Variants in LIPC observed in about 807,000 individuals in gnomAD.
LIPC encodes the protein hepatic triacylglycerol lipase.
A neutral mutation model predicts 50.7 loss-of-function variants in LIPC; 44 were observed. The observed-to-expected ratio is 0.87, with a 90% CI of 0.68 to 1.11. LIPC has a LOEUF of 1.11. Ranked by LOEUF, LIPC falls within the 50% of genes most tolerant of loss-of-function variation. The probability of loss-of-function intolerance (pLI) is 0.00; values close to 1 mark genes in which losing one functional copy is unlikely to be tolerated. For synonymous variants in LIPC, 271 were observed against 256.4 expected (o/e 1.06, Z -0.54); for missense variants, 697 against 648.2 (o/e 1.08, Z -0.82).
chr15:58,545,860 C>T lies in LIPC; in HGVS notation c.693C>T (p.Ser231=), dbSNP rs939351730. The T allele has an allele frequency of 1.2e-6, 2 of 1,614,094 alleles. No homozygotes were observed. Among genetic ancestry groups the T allele is most frequent in the East Asian group, 2.2e-5 (1 of 44,880 alleles). ...TTACCCGGGAGCACATGGGCCTGAG[C>T]GTGGGCATCAAACAGCCCATAGGAC... ...HTFTREHMGL[S]VGIKQPIGHY... Residue 231 remains serine (S), a synonymous_variant, in exon 5 of 9, where the codon AGC becomes AGT. Transcript: ENST00000299022.
At chr15:58,480,960 A>G (rs1312803290) in intron 1 of LIPC, among the ~76,000 whole-genome samples, 1 of 152,176 alleles carries the variant, frequency 6.6e-6, no homozygotes, top group Non-Finnish European at 1.5e-5. Flanking sequence ...TGATTTAAAC[A>G]GCCCCTAGTC....
In LIPC at chr15:58,566,755, T is replaced by G. The variant is rs367587036; in HGVS notation, c.1389-1961T>G. 2.6e-5 allele frequency among the ~76,000 whole-genome samples: 4 copies of G among 152,202 alleles called. No homozygotes were observed. The South Asian group carries it at 8.3e-4, about 32-fold the overall frequency. On this transcript the variant is annotated intron_variant, in intron 8 of 8. Coordinates refer to ENST00000299022, the MANE Select transcript of LIPC (RefSeq NM_000236.3). Reference sequence around the variant, plus strand: ...AAGTATAATAACTGGCTAAACCTAATGAGAAGACATTCAATTTCCACAGTA... The same window carrying G: ...AAGTATAATAACTGGCTAAACCTAAGGAGAAGACATTCAATTTCCACAGTA...
intron 2 of LIPC, among the ~76,000 whole-genome samples, chr15:58,539,273 G>A (rs1395578385): frequency 1.3e-5 from 2 of 152,186 alleles, no homozygotes; most frequent in Admixed American, 1.3e-4. Context: ...ACAATTCAAT[G>A]GCTTTTGGTA....
chr15:58,543,832 G>A (rs927274861), intron 4 of LIPC, among the ~76,000 whole-genome samples: 6 of 152,048 alleles, frequency 3.9e-5, no homozygotes, highest in Non-Finnish European at 8.8e-5. Flanking sequence ...ATATTGGTCA[G>A]GCTGGTCTCG....
At chr15:58,449,111 T>C (rs1595857061) in intron 1 of LIPC, among the ~76,000 whole-genome samples, 1 of 152,098 alleles carries the variant, frequency 6.6e-6, no homozygotes, top group East Asian at 1.9e-4. Context: ...GAGCGATTAG[T>C]CATGCTGGGG....
intron 1 of LIPC, among the ~76,000 whole-genome samples, chr15:58,500,177 G>GGTATGTCTT (rs1302898937): frequency 6.6e-6 from 1 of 152,140 alleles, no homozygotes; most frequent in Non-Finnish European, 1.5e-5. Flanking sequence ...CATGGGTTTG[G>GGTATGTCTT]GTATGTCTTC....
intron 5 of LIPC, 39 bp downstream of exon 5, chr15:58,546,014 T>C: frequency 2.0e-6 from 3 of 1,480,692 alleles, no homozygotes; most frequent in Non-Finnish European, 2.8e-6. Flanking sequence ...CCGGCCTACA[T>C]TTCAATGGGG....
rs1311867696 is a variant in LIPC at position 58,550,790 on chromosome 15, G to A, written c.1051+2218G>A. On this transcript the variant is annotated intron_variant, in intron 6 of 8. Transcript: ENST00000299022. ...TGGAGGGAGGTTCCAGTGCCGAGCT[G>A]TGGCTTGTACCACACCCTCTCCTTT... Among the ~76,000 whole-genome samples, 9 of 148,582 alleles carry A rather than the reference G, an allele frequency of 6.1e-5. No homozygotes were observed. In the East Asian group the frequency reaches 1.8e-3, roughly 29 times the overall value.
At chr15:58,565,324 C>T (rs752993370) in intron 8 of LIPC, 248 of 1,534,532 alleles carry the variant, frequency 1.6e-4, no homozygotes, top group Non-Finnish European at 2.1e-4. Context: ...GAGAGTAATT[C>T]CTCAGTTTAG....
chr15:58,479,501 G>T (rs895701758), intron 1 of LIPC, among the ~76,000 whole-genome samples: 5 of 152,180 alleles, frequency 3.3e-5, no homozygotes, highest in Non-Finnish European at 7.3e-5. Context: ...GTCTCTGCCT[G>T]GTCCGCCTAC....
intron 3 of LIPC, 47 bp downstream of exon 3, chr15:58,542,014 C>CT (rs1566944705): frequency 6.4e-7 from 1 of 1,564,038 alleles, no homozygotes; most frequent in South Asian, 1.2e-5. Flanking sequence ...CCTCCTTTCC[C>CT]TTCCTCTGAG....
intron 1 of LIPC, among the ~76,000 whole-genome samples, chr15:58,451,508 C>G (rs1192641414): frequency 6.6e-6 from 1 of 152,082 alleles, no homozygotes; most frequent in Non-Finnish European, 1.5e-5. Flanking sequence ...CCAGAGAGAC[C>G]ACACTTCATC....
chr15:58,551,489 G>A (rs1893756310), intron 6 of LIPC, among the ~76,000 whole-genome samples: 2 of 152,128 alleles, frequency 1.3e-5, no homozygotes, highest in Admixed American at 1.3e-4. Flanking sequence ...GCTCAAATAC[G>A]TGGCTGCTGC....
At chr15:58,538,228 A>G in intron 1 of LIPC, 105 bp from the exon 2 acceptor site, 1 of 1,093,612 alleles carries the variant, frequency 9.1e-7, no homozygotes, top group Non-Finnish European at 1.4e-6. Context: ...AGCATCTCCC[A>G]GTAACCTCTT....
rs7181945 is a variant in LIPC, at chr15:58,560,590, T to G, written c.1052-274T>G. 0.95 allele frequency among the ~76,000 whole-genome samples: 143,976 copies of G among 152,168 alleles called. 68,347 individuals are homozygous for G. The highest frequency in any genetic ancestry group is 0.99 in the Middle Eastern group (290 of 294). The stretch of plus-strand genomic sequence containing the variant: ...TAGAACTCAGTGAGAATGCCAGATG[T>G]CCTATACTCCTATTCTGCCATCTTT... On this transcript the variant is annotated intron_variant, in intron 6 of 8. Coordinates refer to ENST00000299022, the MANE Select transcript of LIPC (RefSeq NM_000236.3).
intron 1 of LIPC, among the ~76,000 whole-genome samples, chr15:58,439,571 G>A (rs915843371): frequency 2.0e-5 from 3 of 152,166 alleles, no homozygotes; most frequent in Non-Finnish European, 4.4e-5. Flanking sequence ...AGCCTCCTGA[G>A]TAGCCGCGAT....
chr15:58,499,306 T>C (rs1299284799), intron 1 of LIPC, among the ~76,000 whole-genome samples: 15 of 152,222 alleles, frequency 9.9e-5, no homozygotes, highest in Admixed American at 9.2e-4. Flanking sequence ...TGAGTCTACT[T>C]TAATGTTATG....
intron 1 of LIPC, among the ~76,000 whole-genome samples, chr15:58,465,921 G>A (rs1311705497): frequency 1.3e-5 from 2 of 152,224 alleles, no homozygotes; most frequent in African/African-American, 2.4e-5. Context: ...ATACAGGGCA[G>A]AGGAATTAGA....
At chr15:58,540,657 T>C (rs577779366) in intron 2 of LIPC, among the ~76,000 whole-genome samples, 3 of 152,266 alleles carry the variant, frequency 2.0e-5, no homozygotes, top group East Asian at 1.9e-4. Context: ...TTGTCTAGCC[T>C]TCACCTCACC....
Sources: allele counts gnomAD v4.1 joint callset (sites outside exome capture counted in the v4.1 genomes callset), GRCh38; gene constraint gnomAD v4.1.1; transcripts MANE v1.5; gene names NCBI Gene and HGNC (gene_info 2026-07-23, HGNC 2026-07-21).